RNF144B: variants seen among roughly 807,000 people sequenced by gnomAD.
RNF144B encodes the protein ring finger protein 144B.
RNF144B carries 25 observed loss-of-function variants against 40.2 expected under a neutral mutation model. The observed-to-expected ratio is 0.62, with a 90% CI of 0.45 to 0.87. The LOEUF is 0.87. Ranked by LOEUF, RNF144B falls within the 40% of genes least tolerant of loss-of-function variation. The pLI, the probability that RNF144B is intolerant of heterozygous loss-of-function variation, is 0.00. For missense variants in RNF144B, 365 were observed against 373.7 expected (o/e 0.98, Z 0.19); for synonymous variants, 145 against 136.3 (o/e 1.06, Z -0.44).
At chr6:18,411,185 A>G (rs944731917) in intron 2 of RNF144B, among the ~76,000 whole-genome samples, 17 of 151,716 alleles carry the variant, frequency 1.1e-4, no homozygotes, top group African/African-American at 4.1e-4. Flanking sequence ...GGATTTCACC[A>G]TGTTAGCCAG....
In RNF144B at chr6:18,434,242, A is replaced by C. The variant is rs1758763592; in HGVS notation, c.271-5442A>C. 6.6e-6 allele frequency among the ~76,000 whole-genome samples: 1 copy of C among 152,090 alleles called. No individual in the cohort carries two copies. The highest frequency in any genetic ancestry group is 6.5e-5 in the Admixed American group (1 of 15,280). On this transcript the variant is annotated intron_variant, in intron 3 of 7. Coordinates refer to ENST00000259939, the MANE Select transcript of RNF144B (RefSeq NM_182757.4). This position sits in a 1 kb window ranked among gnomAD's most constrained non-coding sequence, Gnocchi z 4.1. ...TAATTGAGTCTTTTTTTCTTAACTA[A>C]AAAGCAATATACATTGTATTTATTA... is the stretch of plus-strand genomic sequence containing the variant.
intron 4 of RNF144B, among the ~76,000 whole-genome samples, chr6:18,453,318 T>C (rs1017035120): frequency 6.6e-6 from 1 of 151,704 alleles, no homozygotes; most frequent in African/African-American, 2.4e-5. Context: ...TTTGTATTTT[T>C]AGTAGAGATG....
intron 3 of RNF144B, among the ~76,000 whole-genome samples, chr6:18,429,308 A>ATG (rs954176093): frequency 4.0e-5 from 6 of 151,600 alleles, no homozygotes; most frequent in Non-Finnish European, 7.4e-5. Context: ...ACACATGTAG[A>ATG]TGTGTGTGTG....
intron 2 of RNF144B, among the ~76,000 whole-genome samples, chr6:18,404,036 C>T (rs1222622765): frequency 6.6e-6 from 1 of 152,226 alleles, no homozygotes; most frequent in Admixed American, 6.5e-5. Flanking sequence ...CACCTCCCAA[C>T]ACTACTACAC....
Position 18,446,739 on chromosome 6 carries a change from C to T in RNF144B, c.331+6995C>T, listed in dbSNP as rs9465143. Among the ~76,000 whole-genome samples, 50,996 of 151,858 alleles carry T rather than the reference C, an allele frequency of 0.34. 9,079 individuals are homozygous for T. The highest frequency in any genetic ancestry group is 0.51 in the East Asian group (2,607 of 5,140). ...TGTCCAAAGACATTTTTGATCGTCA[C>T]GACTTGGGTAGGAAGCTACTGGCAG... On this transcript the variant is annotated intron_variant, in intron 4 of 7. Coordinates refer to ENST00000259939, the MANE Select transcript of RNF144B (RefSeq NM_182757.4). This position sits in a 1 kb window ranked among gnomAD's most constrained non-coding sequence, Gnocchi z 4.7.
chr6:18,409,317 G>T (rs1458885920), intron 2 of RNF144B, among the ~76,000 whole-genome samples: 1 of 139,864 alleles, frequency 7.1e-6, no homozygotes, highest in Non-Finnish European at 1.5e-5. Context: ...AGTGGAGGTT[G>T]CAGTGAGCTG....
At chr6:18,408,646 C>T (rs559302011) in intron 2 of RNF144B, among the ~76,000 whole-genome samples, 32 of 152,262 alleles carry the variant, frequency 2.1e-4, no homozygotes, top group African/African-American at 7.7e-4. Flanking sequence ...TCCCTTTCAG[C>T]TTAATGAGGT....
intron 3 of RNF144B, among the ~76,000 whole-genome samples, chr6:18,428,751 A>G (rs1403414622): frequency 1.3e-5 from 2 of 152,098 alleles, no homozygotes; most frequent in Admixed American, 6.6e-5. Context: ...CTCTCAACAG[A>G]CCTCATGAAA....
rs1453938365 is a variant in RNF144B at position 18,443,857 on chromosome 6, G to A, written c.331+4113G>A. 6.6e-6 allele frequency among the ~76,000 whole-genome samples: 1 copy of A among 152,086 alleles called. No individual in the cohort carries two copies. The highest frequency in any genetic ancestry group is 6.6e-5 in the Admixed American group (1 of 15,264). On this transcript the variant is annotated intron_variant, in intron 4 of 7. Coordinates refer to ENST00000259939, the MANE Select transcript of RNF144B (RefSeq NM_182757.4). This position sits in a 1 kb window ranked among gnomAD's most constrained non-coding sequence, Gnocchi z 4.7. ...AAACCATTTATAAGGGGACTTTGGG[G>A]TGCATTAAATACCCACTAATACTGT...
At chr6:18,428,922 T>C (rs1392700096) in intron 3 of RNF144B, among the ~76,000 whole-genome samples, 1 of 152,202 alleles carries the variant, frequency 6.6e-6, no homozygotes, top group Non-Finnish European at 1.5e-5. Context: ...CCAGGTGCTG[T>C]GGCTCACACC....
chr6:18,428,225 G>A (rs1376340186), intron 3 of RNF144B, among the ~76,000 whole-genome samples: 2 of 152,234 alleles, frequency 1.3e-5, no homozygotes, highest in East Asian at 3.9e-4. Context: ...TAAGTTTTCT[G>A]AGACCTTCCC....
At position 18,466,536 on chromosome 6, in the gene RNF144B, A is replaced by T. The variant is rs1222322280; in HGVS notation, c.*1469A>T. The T allele has an allele frequency of 2.0e-5, 3 of 152,672 alleles. No individual in the cohort carries two copies. Among genetic ancestry groups the T allele is most frequent in the Non-Finnish European group, 4.4e-5 (3 of 68,044 alleles). The allele number at this position is 152,672 out of a possible 1,614,324, so 9.5% of individuals were successfully genotyped here. ...TTGAATAACGAGGTTTTGAAAGGATAAAACCTTTTCTCCAATGACAGGATT... is the reference window on the plus strand; with the variant it reads ...TTGAATAACGAGGTTTTGAAAGGATTAAACCTTTTCTCCAATGACAGGATT... On this transcript the variant is annotated 3_prime_UTR_variant, in exon 8 of 8. Transcript: ENST00000259939.
At chr6:18,407,277 T>C (rs1426326175) in intron 2 of RNF144B, among the ~76,000 whole-genome samples, 1 of 152,152 alleles carries the variant, frequency 6.6e-6, no homozygotes, top group Non-Finnish European at 1.5e-5. Flanking sequence ...AGAAGACTAC[T>C]TAGAAGGCAA....
chr6:18,456,711 ATAG>A lies in RNF144B; in HGVS notation c.332-440_332-438del, dbSNP rs1317544234. On this transcript the variant is annotated intron_variant, in intron 4 of 7. Transcript: ENST00000259939. This position sits in a 1 kb window ranked among gnomAD's most constrained non-coding sequence, Gnocchi z 4.7. The stretch of plus-strand genomic sequence containing the variant: ...AGGTTTGGATCCATTATGAAGACTA[ATAG>A]TAGAAATCCTCACCCTTGTTGTATT... 6.6e-6 allele frequency among the ~76,000 whole-genome samples: 1 copy of A among 152,202 alleles called. No individual in the cohort carries two copies. The highest frequency in any genetic ancestry group is 1.9e-4 in the East Asian group (1 of 5,186).
intron 4 of RNF144B, among the ~76,000 whole-genome samples, chr6:18,440,189 C>CA (rs1758928517): frequency 6.6e-6 from 1 of 152,098 alleles, no homozygotes; most frequent in Non-Finnish European, 1.5e-5. Context: ...ATGGTAATAA[C>CA]AGAGTATGGA....
In RNF144B at chr6:18,424,171, A is replaced by T. The variant is rs566537320; in HGVS notation, c.166-3410A>T. On this transcript the variant is annotated intron_variant, in intron 2 of 7. Coordinates refer to ENST00000259939, the MANE Select transcript of RNF144B (RefSeq NM_182757.4). ...ATGACATGCACATGGGATTCATGTG[A>T]ACGTTTTCACTTATTTTGCACTTTT... Among the ~76,000 whole-genome samples the T allele has an allele frequency of 3.1e-3, 467 of 152,332 alleles. 4 individuals are homozygous for T. Among genetic ancestry groups the T allele is most frequent in the Non-Finnish European group, 5.2e-3 (357 of 68,040 alleles).
intron 2 of RNF144B, among the ~76,000 whole-genome samples, chr6:18,404,590 A>C (rs1186478260): frequency 6.6e-6 from 1 of 152,232 alleles, no homozygotes; most frequent in South Asian, 2.1e-4. Context: ...CCTCACTGCT[A>C]TTCTGAGATA....
At position 18,399,583 on chromosome 6, in the gene RNF144B, C is replaced by T. The variant is rs758724550; in HGVS notation, c.49C>T (p.Pro17Ser). The T allele has an allele frequency of 4.3e-6, 7 of 1,613,968 alleles. No homozygotes were observed. The African/African-American group carries it at 6.7e-5, about 15-fold the overall frequency. The part of the protein sequence containing the change: ...LHYLAMTAEN[P>S]TPGDLAPAPL... ...CTATCTCGCCATGACTGCTGAAAAT[C>T]CCACTCCTGGAGACCTGGCTCCGGC... The change falls in exon 2 of 8, where the codon CCC becomes TCC. Residue 17 changes from proline to serine, a missense_variant. Transcript: ENST00000259939.
chr6:18,403,495 A>G (rs1365666773), intron 2 of RNF144B, among the ~76,000 whole-genome samples: 1 of 152,212 alleles, frequency 6.6e-6, no homozygotes, highest in Non-Finnish European at 1.5e-5. Context: ...TTTTTCCATT[A>G]CGTTCTATTG....
Sources: gnomAD v4.1 joint callset for allele counts (sites outside exome capture counted in the v4.1 genomes callset) on GRCh38, gnomAD v4.1.1 for gene constraint, Gnocchi (gnomAD v3.1) non-coding constraint, MANE v1.5 for transcripts, NCBI Gene and HGNC (gene_info 2026-07-23, HGNC 2026-07-21) for gene names.